The following HORMAD1 variants were observed in gnomAD, a reference collection of about 807,000 sequenced individuals.
HORMAD1 encodes the protein HORMA domain-containing protein 1.
A neutral mutation model predicts 58.2 loss-of-function variants in HORMAD1; 33 were observed. That is an observed-to-expected ratio of 0.57 (90% CI 0.43 to 0.76). The LOEUF is 0.76. Among genes scored for constraint, HORMAD1 ranks in the 30% least tolerant of loss-of-function variants. HORMAD1 has a pLI of 0.00. For synonymous variants in HORMAD1, 137 were observed against 144.6 expected, an observed-to-expected ratio of 0.95 and a Z score of 0.38; for missense variants, 363 against 462.0, an observed-to-expected ratio of 0.79 and a Z score of 1.96.
rs779990831 is a variant in HORMAD1 at position 150,706,785 on chromosome 1, G to A, written c.572C>T (p.Pro191Leu). Residue 191 changes from proline to leucine, a missense_variant, in exon 10 of 15, where the codon CCC (proline) becomes CTC (leucine). Physicochemically the swap from Pro to Leu is moderately conservative, Grantham distance 98. Coordinates refer to ENST00000361824, the MANE Select transcript of HORMAD1 (RefSeq NM_032132.5). ...DEVTPPDYQP[P>L]GFKDGDCEGV... ...TTCACAATCACCATCCTTAAAACCG[G>A]GAGGCTGGTAATCTGGGGGTGTAAC... 2.4e-5 allele frequency: 39 copies of A among 1,611,008 alleles called. No individual in the cohort carries two copies. The Admixed American group carries it at 6.5e-4, about 27-fold the overall frequency.
chr1:150,705,632 T>C (rs1651669198), intron 10 of HORMAD1, among the ~76,000 whole-genome samples: 2 of 152,204 alleles, frequency 1.3e-5, no homozygotes, highest in Admixed American at 1.3e-4. Flanking sequence ...TACATTACAA[T>C]TATTGTTCCC....
At position 150,714,702 on chromosome 1, in the gene HORMAD1, T is replaced by C. The variant is rs985272300; in HGVS notation, c.179-24A>G. On this transcript the variant is annotated intron_variant, in intron 3 of 14. Transcript: ENST00000361824. ...ATCTAAACACAAAAATGATGAAATA[T>C]AGAGTTACTTAAGAAAAGTAAACAA... 4.1e-6 allele frequency: 5 copies of C among 1,212,498 alleles called. No individual in the cohort carries two copies. The African/African-American group carries it at 6.2e-5, about 15-fold the overall frequency. The allele number at this position is 1,212,498 out of a possible 1,614,324, so 75.1% of individuals were successfully genotyped here. A position where few individuals can be genotyped will look rare whatever the true frequency, so the allele number is the denominator to read the frequency against.
Sources: gnomAD v4.1 joint callset for allele counts (sites outside exome capture counted in the v4.1 genomes callset) on GRCh38, gnomAD v4.1.1 for gene constraint, MANE v1.5 for transcripts, NCBI Gene and HGNC (gene_info 2026-07-23, HGNC 2026-07-21) for gene names.